THBS2: variants seen among roughly 807,000 people sequenced by gnomAD.
THBS2 encodes the protein thrombospondin-2.
In THBS2, 47 loss-of-function variants were observed where a neutral mutation model predicts 135.2. The observed-to-expected ratio is 0.35, with a 90% CI of 0.28 to 0.44. THBS2 has a LOEUF of 0.44. THBS2 is among the 20% of genes least tolerant of loss of function. The pLI is 1.00. For missense variants in THBS2, 1,288 were observed against 1,603.1 expected, an observed-to-expected ratio of 0.80 and a Z score of 3.36; for synonymous variants, 639 against 633.8, an observed-to-expected ratio of 1.01 and a Z score of -0.12.
In THBS2 at chr6:169,250,914, T is replaced by G; in HGVS notation, c.-22-108A>C. 3 of 637,422 alleles carry G rather than the reference T, an allele frequency of 4.7e-6. No individual in the cohort carries two copies. The South Asian group carries it at 8.8e-5, about 19-fold the overall frequency. 39.5% of individuals were successfully genotyped at this position (637,422 alleles called of 1,614,324 possible). ...TGACCATTGAATAACAGTTTGCATATAAAACTCAGCACCAACTGGATTTGT... is the reference window on the plus strand; with the variant it reads ...TGACCATTGAATAACAGTTTGCATAGAAAACTCAGCACCAACTGGATTTGT... On this transcript the variant is annotated intron_variant, in intron 1 of 21. Transcript: ENST00000617924.
intron 21 of THBS2, among the ~76,000 whole-genome samples, chr6:169,218,756 GAT>G (rs1779296102): frequency 6.9e-6 from 1 of 145,358 alleles, no homozygotes; most frequent in Admixed American, 6.8e-5. Context: ...GAGATGGATG[GAT>G]GGGTGGGTGG....
rs781016288 is a variant in THBS2, at chr6:169,216,642, A to G, written c.*1180T>C. 5 of 152,156 alleles carry G rather than the reference A, an allele frequency of 3.3e-5. No homozygotes were observed. Among genetic ancestry groups the G allele is most frequent in the Non-Finnish European group, 7.3e-5 (5 of 68,032 alleles). The allele number at this position is 152,156 out of a possible 1,614,324, so 9.4% of individuals were successfully genotyped here. On this transcript the variant is annotated 3_prime_UTR_variant, in exon 22 of 22. Coordinates refer to ENST00000617924, the MANE Select transcript of THBS2 (RefSeq NM_003247.5). The stretch of plus-strand genomic sequence containing the variant: ...ATAAACTCCTCATTATTCTCTATGT[A>G]TTCTGTTACAGCTTCTAGCATGCTT...
chr6:169,229,754 A>ATTTC, intron 13 of THBS2, 75 bp from the exon 14 acceptor site: 4 of 1,232,444 alleles, frequency 3.2e-6, no homozygotes, highest in African/African-American at 1.5e-5. Context: ...GGTGAAATGA[A>ATTTC]ACCAGCATGG....
chr6:169,248,361 A>T, intron 3 of THBS2, 56 bp downstream of exon 3: 2 of 1,535,666 alleles, frequency 1.3e-6, no homozygotes, highest in Non-Finnish European at 1.8e-6. Context: ...TTAGCAGATC[A>T]GTTCCCAGCT....
chr6:169,240,348 G>T, intron 6 of THBS2, 104 bp downstream of exon 6: 1 of 1,455,942 alleles, frequency 6.9e-7, no homozygotes, highest in Non-Finnish European at 9.3e-7. Flanking sequence ...TAGCTGAACC[G>T]GTTTCACACA....
Position 169,221,512 on chromosome 6 carries a change from G to A in THBS2, c.3289C>T (p.His1097Tyr), listed in dbSNP as rs2114973621. 4 of 1,613,936 alleles carry A rather than the reference G, an allele frequency of 2.5e-6. No individual in the cohort carries two copies. In the South Asian group the frequency reaches 4.4e-5, roughly 18 times the overall value. ...NTPGQVRTLW[H>Y]DPRNIGWKDY... ...TTCCAGCCAATGTTCCTGGGGTCGT[G>A]CCATAAGGTTCGCACCTGAGAGAGA... Residue 1097 changes from histidine to tyrosine, a missense_variant, in exon 20 of 22, where the codon CAC (histidine) becomes TAC (tyrosine). His to Tyr is a moderately conservative substitution (Grantham distance 83). This residue lies in a region of THBS2 where 874 missense variants were observed against 1,156.1 expected (regional missense o/e 0.76). Transcript: ENST00000617924.
At position 169,250,819 on chromosome 6, in the gene THBS2, G is replaced by C. The variant is rs772036499; in HGVS notation, c.-22-13C>G. ...TGCAGCTGAGCTCCTGGGAATACAGGAAACCCTTGTTAGTGATGAGTCCAC... is the reference window on the plus strand; with the variant it reads ...TGCAGCTGAGCTCCTGGGAATACAGCAAACCCTTGTTAGTGATGAGTCCAC... On this transcript the variant is annotated splice_polypyrimidine_tract_variant and intron_variant, in intron 1 of 21. Transcript: ENST00000617924. The C allele has an allele frequency of 6.2e-7, 1 of 1,604,914 alleles. No homozygotes were observed. Among genetic ancestry groups the C allele is most frequent in the East Asian group, 2.2e-5 (1 of 44,710 alleles).
chr6:169,237,799 C>A lies in THBS2; in HGVS notation c.1130-4G>T, dbSNP rs758718224. ...CAGCCCTCCTCACCGTCCACCGCTG[C>A]CAGAGGAAGCAAACACGGTGGCATC... On this transcript the variant is annotated splice_polypyrimidine_tract_variant and splice_region_variant and intron_variant, in intron 7 of 21. Coordinates refer to ENST00000617924, the MANE Select transcript of THBS2 (RefSeq NM_003247.5). 3.1e-6 allele frequency: 5 copies of A among 1,607,292 alleles called. No individual in the cohort carries two copies. In the South Asian group the frequency reaches 5.5e-5, roughly 18 times the overall value.
intron 4 of THBS2, among the ~76,000 whole-genome samples, chr6:169,243,987 C>T (rs1010702621): frequency 6.6e-6 from 1 of 151,974 alleles, no homozygotes. Flanking sequence ...TCTGACATAA[C>T]CAGTGAAGAA....
At chr6:169,235,551 A>G (rs1780001792) in intron 9 of THBS2, among the ~76,000 whole-genome samples, 1 of 152,014 alleles carries the variant, frequency 6.6e-6, no homozygotes, top group African/African-American at 2.4e-5. Context: ...GCTTTGGGCC[A>G]AGCGCTCTGT....
chr6:169,249,942 A>C (rs1780696520), intron 2 of THBS2, among the ~76,000 whole-genome samples: 1 of 152,048 alleles, frequency 6.6e-6, no homozygotes, highest in Admixed American at 6.6e-5. Context: ...AGGCAGGAGA[A>C]TGGCGTGAAC....
rs188701483 is a variant in THBS2, at chr6:169,216,069, C to G, written c.*1753G>C. The G allele has an allele frequency of 6.6e-6, 1 of 152,230 alleles. No homozygotes were observed. The highest frequency in any genetic ancestry group is 2.4e-5 in the African/African-American group (1 of 41,416). 9.4% of individuals were successfully genotyped at this position (152,230 alleles called of 1,614,324 possible). ...ACAACACAGAAACAGAAAACCTGCA[C>G]GCTGTTGACAGTCGCTACATTTAAT... On this transcript the variant is annotated 3_prime_UTR_variant, in exon 22 of 22. Coordinates refer to ENST00000617924, the MANE Select transcript of THBS2 (RefSeq NM_003247.5).
Position 169,241,728 on chromosome 6 carries a change from C to G in THBS2, c.891+34G>C, listed in dbSNP as rs1189989526. 3.2e-6 allele frequency: 5 copies of G among 1,574,938 alleles called. No individual in the cohort carries two copies. The highest frequency in any genetic ancestry group is 1.7e-5 in the Admixed American group (1 of 58,626). Reference sequence around the variant, plus strand: ...GGCCAGCGGCGGAGCTGCCCATGCCCTATGACCCCCGCGGCCCCTGCGTGA... The same window carrying G: ...GGCCAGCGGCGGAGCTGCCCATGCCGTATGACCCCCGCGGCCCCTGCGTGA... On this transcript the variant is annotated intron_variant, in intron 5 of 21. Coordinates refer to ENST00000617924, the MANE Select transcript of THBS2 (RefSeq NM_003247.5). This position sits in a 1 kb window ranked among gnomAD's most constrained non-coding sequence, Gnocchi z 5.5.
intron 7 of THBS2, 71 bp from the exon 8 acceptor site, chr6:169,237,866 A>G: frequency 6.6e-7 from 1 of 1,516,608 alleles, no homozygotes; most frequent in Non-Finnish European, 8.8e-7. Flanking sequence ...GAACGGGCAC[A>G]GGGCAGCTGG....
chr6:169,231,081 C>T (rs1467178884), intron 13 of THBS2, among the ~76,000 whole-genome samples: 1 of 152,164 alleles, frequency 6.6e-6, no homozygotes, highest in East Asian at 1.9e-4. Context: ...TGGATGTCCG[C>T]GTCCTAGTGT....
At chr6:169,219,317 GA>G (rs1171276610) in intron 21 of THBS2, among the ~76,000 whole-genome samples, 8 of 134,606 alleles carry the variant, frequency 5.9e-5, no homozygotes, top group Non-Finnish European at 3.2e-5. Flanking sequence ...TTGGATGGAT[GA>G]GATGGGTGGG....
intron 7 of THBS2, among the ~76,000 whole-genome samples, chr6:169,238,902 T>G (rs1780197883): frequency 6.6e-6 from 1 of 152,054 alleles, no homozygotes; most frequent in African/African-American, 2.4e-5. Flanking sequence ...GGTGTAGACC[T>G]GAAGCACCTT....
chr6:169,225,465 C>T lies in THBS2; in HGVS notation c.2539-86G>A, dbSNP rs73043858. The T allele has an allele frequency of 4.4e-3, 5,904 of 1,339,784 alleles. 22 individuals carry two copies. Among genetic ancestry groups the T allele is most frequent in the Non-Finnish European group, 5.0e-3 (4,836 of 966,590 alleles). The allele number at this position is 1,339,784 out of a possible 1,614,324, so 83.0% of individuals were successfully genotyped here. A position where few individuals can be genotyped will look rare whatever the true frequency, so the allele number is the denominator to read the frequency against. ...ACCAGCAGGACGCAAGCCTGAGAGC[C>T]GGCCTCCTCGTCCTGCAGCACAAGC... On this transcript the variant is annotated intron_variant, in intron 16 of 21. Coordinates refer to ENST00000617924, the MANE Select transcript of THBS2 (RefSeq NM_003247.5).
At chr6:169,250,606 T>G in intron 2 of THBS2, 127 bp downstream of exon 2, 1 of 681,032 alleles carries the variant, frequency 1.5e-6, no homozygotes, top group Non-Finnish European at 2.4e-6. Context: ...ATTTGATTTA[T>G]AAAGGAGCTA....
Sources: allele counts gnomAD v4.1 joint callset (sites outside exome capture counted in the v4.1 genomes callset), GRCh38; gene constraint gnomAD v4.1.1; regional missense constraint gnomAD v4.1.1; non-coding constraint Gnocchi (gnomAD v3.1); transcripts MANE v1.5; gene names NCBI Gene and HGNC (gene_info 2026-07-23, HGNC 2026-07-21).